CYP4X1: variants seen among roughly 807,000 people sequenced by gnomAD.
CYP4X1 encodes the protein cytochrome P450 4X1.
In CYP4X1, 44 loss-of-function variants were observed where a neutral mutation model predicts 57.9. The observed-to-expected ratio is 0.76, with a 90% CI of 0.60 to 0.98. The LOEUF (loss-of-function observed/expected upper bound fraction) is 0.98, where lower values mean the gene tolerates loss of function less well. CYP4X1 is among the 50% of genes least tolerant of loss of function. The pLI is 0.00. For synonymous variants in CYP4X1, 227 were observed against 228.6 expected (o/e 0.99, Z 0.06); for missense variants, 532 against 623.9 (o/e 0.85, Z 1.57).
intron 1 of CYP4X1, among the ~76,000 whole-genome samples, chr1:47,029,063 T>C (rs1030864582): frequency 6.6e-6 from 1 of 152,118 alleles, no homozygotes; most frequent in African/African-American, 2.4e-5. Context: ...GGAGCCAGAG[T>C]TGTCCACCTC....
chr1:46,978,590 T>A, the CYP4X1 span, among the ~76,000 whole-genome samples: 1 of 151,850 alleles, frequency 6.6e-6, no homozygotes, highest in African/African-American at 2.4e-5. Flanking sequence ...AACAAGGATA[T>A]CCAGGACTTA....
chr1:46,971,175 G>T, the CYP4X1 span, among the ~76,000 whole-genome samples: 1 of 152,128 alleles, frequency 6.6e-6, no homozygotes, highest in South Asian at 2.1e-4. Flanking sequence ...GAGAACACGT[G>T]GTGTTTGGTT....
chr1:46,967,829 C>A, the CYP4X1 span: 3 of 1,298,096 alleles, frequency 2.3e-6, no homozygotes, highest in Admixed American at 2.8e-5. Flanking sequence ...GCCATGGCCA[C>A]CTTTAGCTCA....
At chr1:47,005,467 A>G in the CYP4X1 span, among the ~76,000 whole-genome samples, 5 of 152,268 alleles carry the variant, frequency 3.3e-5, no homozygotes, top group East Asian at 1.9e-4. Flanking sequence ...TGGATTATCT[A>G]TTGGGGCAAA....
At chr1:47,031,545 A>G (rs191994067) in intron 3 of CYP4X1, 65 bp downstream of exon 3, 4 of 1,555,938 alleles carry the variant, frequency 2.6e-6, no homozygotes, top group Admixed American at 1.7e-5. Flanking sequence ...ATAGTAGAGC[A>G]TGCCAAAGAA....
the CYP4X1 span, among the ~76,000 whole-genome samples, chr1:47,000,456 TG>T: frequency 5.3e-5 from 8 of 152,290 alleles, no homozygotes; most frequent in East Asian, 1.5e-3. Context: ...CTATGCTTTC[TG>T]GGGGGTTTGG....
At chr1:47,008,762 G>A in the CYP4X1 span, among the ~76,000 whole-genome samples, 1 of 152,124 alleles carries the variant, frequency 6.6e-6, no homozygotes, top group African/African-American at 2.4e-5. Context: ...AAAGGCAGGG[G>A]TTGCAATCCT....
the CYP4X1 span, among the ~76,000 whole-genome samples, chr1:46,975,825 T>C: frequency 6.6e-6 from 1 of 152,176 alleles, no homozygotes; most frequent in Non-Finnish European, 1.5e-5. Context: ...TTGGGCTCTT[T>C]ACATAATCCT....
At chr1:47,010,572 A>G in the CYP4X1 span, among the ~76,000 whole-genome samples, 1 of 152,204 alleles carries the variant, frequency 6.6e-6, no homozygotes, top group Non-Finnish European at 1.5e-5. Context: ...GCAATCAGGC[A>G]GGAGAAGGAA....
the CYP4X1 span, among the ~76,000 whole-genome samples, chr1:47,007,241 C>T: frequency 9.2e-5 from 14 of 152,144 alleles, no homozygotes; most frequent in African/African-American, 2.4e-4. Flanking sequence ...TCCAGGCAAA[C>T]GATCCGGCAG....
At chr1:46,961,518 G>A in the CYP4X1 span, 2 of 1,184,252 alleles carry the variant, frequency 1.7e-6, no homozygotes, top group Non-Finnish European at 2.1e-6. Context: ...TCAAAGCTGT[G>A]TGTAGCCACA....
chr1:46,962,179 G>A, the CYP4X1 span, among the ~76,000 whole-genome samples: 1 of 151,996 alleles, frequency 6.6e-6, no homozygotes, highest in Non-Finnish European at 1.5e-5. Context: ...GAGTGCAATG[G>A]CCTGATAGCT....
At chr1:47,029,914 C>G in intron 1 of CYP4X1, 76 bp from the exon 2 acceptor site, 3 of 1,544,274 alleles carry the variant, frequency 1.9e-6, no homozygotes, top group Non-Finnish European at 2.6e-6. Context: ...TTATCAGGTC[C>G]TGAACTCAGC....
At chr1:47,038,870 T>C in intron 7 of CYP4X1, 104 bp downstream of exon 7, 1 of 781,648 alleles carries the variant, frequency 1.3e-6, no homozygotes, top group Non-Finnish European at 1.9e-6. Flanking sequence ...ACCGATTGAC[T>C]AAATTTAACT....
the CYP4X1 span, among the ~76,000 whole-genome samples, chr1:46,968,693 G>T: frequency 6.6e-6 from 1 of 152,176 alleles, no homozygotes; most frequent in East Asian, 1.9e-4. Flanking sequence ...GATTGAGTGA[G>T]TGAGTGAGTG....
At chr1:46,988,847 T>C in the CYP4X1 span, among the ~76,000 whole-genome samples, 1 of 152,134 alleles carries the variant, frequency 6.6e-6, no homozygotes, top group African/African-American at 2.4e-5. Context: ...CAATAAAATT[T>C]GACACCCCTT....
the CYP4X1 span, among the ~76,000 whole-genome samples, chr1:46,972,337 T>C: frequency 6.0e-4 from 91 of 152,354 alleles, 1 homozygote; most frequent in African/African-American, 2.1e-3. Flanking sequence ...TTTTAGTTAC[T>C]GTAGCTTTGC....
chr1:47,033,720 A>C (rs903874811), intron 4 of CYP4X1, among the ~76,000 whole-genome samples: 1 of 152,174 alleles, frequency 6.6e-6, no homozygotes, highest in Non-Finnish European at 1.5e-5. Flanking sequence ...GCTGAAGAAA[A>C]AGGCTGACAG....
Position 47,049,433 on chromosome 1 carries a change from C to G in CYP4X1, c.1284C>G (p.Pro428=), listed in dbSNP as rs376628329. 8 of 1,613,994 alleles carry G rather than the reference C, an allele frequency of 5.0e-6. No homozygotes were observed. Among genetic ancestry groups the G allele is most frequent in the Non-Finnish European group, 6.8e-6 (8 of 1,179,954 alleles). Residue 428 remains proline (P), a synonymous_variant, in exon 11 of 12, where the codon CCC becomes CCG. Transcript: ENST00000371901. ...AVWKNPKVFD[P]LRFSQENSDQ... ...TCCTCTCATTTCAGGTCTTTGACCC[C>G]TTGAGGTTCTCTCAGGAGAATTCTG...
Sources: allele counts gnomAD v4.1 joint callset (sites outside exome capture counted in the v4.1 genomes callset), GRCh38; gene constraint gnomAD v4.1.1; transcripts MANE v1.5; gene names NCBI Gene and HGNC (gene_info 2026-07-23, HGNC 2026-07-21).